KCNIP4: variants seen among roughly 807,000 people sequenced by gnomAD.
The protein encoded by KCNIP4 is Kv channel-interacting protein 4.
KCNIP4 carries 12 observed loss-of-function variants against 34.0 expected under a neutral mutation model. The ratio of observed to expected loss-of-function variants is 0.35; its 90% CI spans 0.23 to 0.57. KCNIP4 has a LOEUF of 0.57. Among genes scored for constraint, KCNIP4 ranks in the 20% least tolerant of loss-of-function variants. KCNIP4 has a pLI of 0.83. For missense variants in KCNIP4, 238 were observed against 311.7 expected (o/e 0.76, Z 1.78); for synonymous variants, 124 against 102.2 (o/e 1.21, Z -1.29).
At chr4:20,830,290 T>C (rs934096012) in intron 3 of KCNIP4, among the ~76,000 whole-genome samples, 1 of 152,160 alleles carries the variant, frequency 6.6e-6, no homozygotes, top group Non-Finnish European at 1.5e-5. Context: ...AAAAACTTCA[T>C]ATAGAATCTA....
rs57366284 is a variant in KCNIP4, at chr4:21,176,624, C to T, written c.62-293915G>A. On this transcript the variant is annotated intron_variant, in intron 1 of 8. Coordinates refer to ENST00000382152, the MANE Select transcript of KCNIP4 (RefSeq NM_025221.6). ...TGCAACCTCCACCTCCCAGGTACAA[C>T]AAACTCTCCTGCCTTAGTCACCCAA... Among the ~76,000 whole-genome samples the T allele has an allele frequency of 4.7e-3, 713 of 152,308 alleles. 5 individuals carry two copies. Among genetic ancestry groups the T allele is most frequent in the African/African-American group, 0.016 (648 of 41,570 alleles).
At chr4:21,252,132 T>TTG (rs34018358) in intron 1 of KCNIP4, among the ~76,000 whole-genome samples, 32,749 of 136,000 alleles carry the variant, frequency 0.24, 4,342 homozygotes, top group South Asian at 0.32. Flanking sequence ...AGGTTTTGTT[T>TTG]TTTTTTTTTT....
chr4:21,409,572 T>C (rs1724306829), intron 1 of KCNIP4, among the ~76,000 whole-genome samples: 1 of 152,214 alleles, frequency 6.6e-6, no homozygotes, highest in Non-Finnish European at 1.5e-5. Context: ...AATATGTTAT[T>C]AGAAATGTTA....
At chr4:21,516,209 A>T (rs531975005) in intron 1 of KCNIP4, among the ~76,000 whole-genome samples, 6 of 152,294 alleles carry the variant, frequency 3.9e-5, no homozygotes, top group Admixed American at 2.0e-4. Context: ...CTTCAGAAAA[A>T]GTTGTCATTT....
chr4:21,698,586 G>C (rs1335334281), intron 1 of KCNIP4, among the ~76,000 whole-genome samples: 3 of 152,136 alleles, frequency 2.0e-5, no homozygotes, highest in South Asian at 4.1e-4. Flanking sequence ...TGGTTTTCCT[G>C]AATTCTTAAG....
chr4:21,754,463 T>C (rs985592074), intron 1 of KCNIP4, among the ~76,000 whole-genome samples: 1 of 152,216 alleles, frequency 6.6e-6, no homozygotes, highest in Non-Finnish European at 1.5e-5. Context: ...GTTGAATTAA[T>C]TAATGCATAA....
chr4:21,832,349 T>A (rs1265204250), intron 1 of KCNIP4, among the ~76,000 whole-genome samples: 13 of 152,026 alleles, frequency 8.6e-5, no homozygotes, highest in Admixed American at 8.5e-4. Flanking sequence ...TCTATTCTAT[T>A]TTTATAAGGG....
At position 21,370,838 on chromosome 4, in the gene KCNIP4, TATATATATATATACACACACAC is replaced by T. The variant is rs1282682273; in HGVS notation, c.62-488151_62-488130del. Among the ~76,000 whole-genome samples the T allele has an allele frequency of 1.8e-3, 54 of 30,778 alleles. No homozygotes were observed. In the East Asian group the frequency reaches 0.069, roughly 39 times the overall value. The allele number at this position is 30,778 out of a possible 152,430, so 20.2% of individuals were successfully genotyped here. A position where few individuals can be genotyped will look rare whatever the true frequency, so the allele number is the denominator to read the frequency against. ...ATATATATATATATATATATATATA[TATATATATATATACACACACAC>T]ACACACACACACACACACACACGTG... On this transcript the variant is annotated intron_variant, in intron 1 of 8. Transcript: ENST00000382152.
intron 1 of KCNIP4, among the ~76,000 whole-genome samples, chr4:21,240,202 C>T (rs1759700042): frequency 8.3e-6 from 1 of 120,560 alleles, no homozygotes; most frequent in African/African-American, 3.3e-5. Flanking sequence ...GGAAGAGGAA[C>T]ATCACACACT....
At chr4:21,681,088 T>A (rs1339589850) in intron 1 of KCNIP4, among the ~76,000 whole-genome samples, 1 of 152,160 alleles carries the variant, frequency 6.6e-6, no homozygotes, top group African/African-American at 2.4e-5. Context: ...TTTATTTTTA[T>A]TTTTTGATAC....
At chr4:21,060,767 A>G (rs1416058796) in intron 1 of KCNIP4, among the ~76,000 whole-genome samples, 1 of 152,150 alleles carries the variant, frequency 6.6e-6, no homozygotes, top group East Asian at 1.9e-4. Context: ...CTGGGAAGAG[A>G]CTCACTCCTT....
intron 1 of KCNIP4, among the ~76,000 whole-genome samples, chr4:21,706,742 G>A (rs1713299697): frequency 6.6e-6 from 1 of 152,102 alleles, no homozygotes; most frequent in Non-Finnish European, 1.5e-5. Context: ...TCAAAACATC[G>A]TGGTGTGTTC....
intron 1 of KCNIP4, among the ~76,000 whole-genome samples, chr4:21,094,826 T>A (rs1390400321): frequency 2.0e-5 from 3 of 152,040 alleles, no homozygotes; most frequent in Admixed American, 1.3e-4. Flanking sequence ...GAAGCCTACA[T>A]CTACTTGATT....
chr4:21,074,972 C>T (rs368783903), intron 1 of KCNIP4, among the ~76,000 whole-genome samples: 41 of 152,204 alleles, frequency 2.7e-4, no homozygotes, highest in South Asian at 4.1e-4. Context: ...TAATCCTGAG[C>T]TCTAGTTTGA....
In KCNIP4 at chr4:21,883,476, T is replaced by G. The variant is rs994780860; in HGVS notation, c.61+65095A>C. Among the ~76,000 whole-genome samples the G allele has an allele frequency of 7.9e-5, 12 of 152,190 alleles. No homozygotes were observed. The South Asian group carries it at 1.0e-3, about 13-fold the overall frequency. ...AAACATTTTTAAAGTTGGGGAGAGTTAGATTAGACTGATAAAGGTATATTA... is the reference window on the plus strand; with the variant it reads ...AAACATTTTTAAAGTTGGGGAGAGTGAGATTAGACTGATAAAGGTATATTA... On this transcript the variant is annotated intron_variant, in intron 1 of 8. Transcript: ENST00000382152.
At chr4:21,289,405 A>G (rs1763304884) in intron 1 of KCNIP4, among the ~76,000 whole-genome samples, 1 of 152,250 alleles carries the variant, frequency 6.6e-6, no homozygotes, top group South Asian at 2.1e-4. Flanking sequence ...CCATCTAACC[A>G]TGTATTTGTA....
At chr4:21,740,240 A>T (rs1320240122) in intron 1 of KCNIP4, among the ~76,000 whole-genome samples, 7 of 152,126 alleles carry the variant, frequency 4.6e-5, no homozygotes. Flanking sequence ...CAATACTTAA[A>T]TATTTATATA....
chr4:21,730,633 T>C (rs1715519304), intron 1 of KCNIP4, among the ~76,000 whole-genome samples: 1 of 152,102 alleles, frequency 6.6e-6, no homozygotes, highest in Admixed American at 6.6e-5. Flanking sequence ...AATAAAACAT[T>C]GTAATGGGTA....
intron 1 of KCNIP4, among the ~76,000 whole-genome samples, chr4:21,339,584 TA>T (rs1397925538): frequency 6.6e-6 from 1 of 152,044 alleles, no homozygotes; most frequent in Non-Finnish European, 1.5e-5. Flanking sequence ...GAAGTGGGGA[TA>T]AATAGAAAGG....
Sources: allele counts gnomAD v4.1 joint callset (sites outside exome capture counted in the v4.1 genomes callset), GRCh38; gene constraint gnomAD v4.1.1; transcripts MANE v1.5; gene names NCBI Gene and HGNC (gene_info 2026-07-23, HGNC 2026-07-21).